Variants in CADM3 observed in about 807,000 individuals in gnomAD.
CADM3 encodes the protein TSLC1-like 1.
A neutral mutation model predicts 44.9 loss-of-function variants in CADM3; 11 were observed. That is an observed-to-expected ratio of 0.25 (90% CI 0.15 to 0.41). The LOEUF (loss-of-function observed/expected upper bound fraction) is 0.41. CADM3 is among the 10% of genes least tolerant of loss of function. The pLI, the probability that CADM3 is intolerant of heterozygous loss-of-function variation, is 1.00. For missense variants in CADM3, 426 were observed against 512.0 expected (o/e 0.83, Z 1.62); for synonymous variants, 207 against 205.2 (o/e 1.01, Z -0.08).
At chr1:159,178,294 G>A (rs556071031) in intron 1 of CADM3, among the ~76,000 whole-genome samples, 40 of 152,260 alleles carry the variant, frequency 2.6e-4, no homozygotes, top group Non-Finnish European at 4.4e-4. Flanking sequence ...ATCCTACCCA[G>A]TTTATAAACA....
At chr1:159,179,155 A>G (rs536505355) in intron 1 of CADM3, among the ~76,000 whole-genome samples, 2 of 152,252 alleles carry the variant, frequency 1.3e-5, no homozygotes, top group African/African-American at 4.8e-5. Flanking sequence ...TTCAGAAAGG[A>G]CTCAAATACA....
At position 159,192,589 on chromosome 1, in the gene CADM3, A is replaced by T; in HGVS notation, c.241A>T (p.Asn81Tyr). The T allele has an allele frequency of 6.2e-7, 1 of 1,614,130 alleles. No homozygotes were observed. Among genetic ancestry groups the T allele is most frequent in the Non-Finnish European group, 8.5e-7 (1 of 1,180,028 alleles). ...YFGEKRALRD[N>Y]RIQLVTSTPH... ...CTTGATTTCCCCAGCCCTTCGAGAT[A>T]ATCGAATTCAGCTGGTTACCTCTAC... Residue 81 changes from asparagine to tyrosine, a missense_variant, in exon 3 of 9, where the codon AAT becomes TAT. Physicochemically the swap from Asn to Tyr is moderately radical, Grantham distance 143. This residue lies in a region of CADM3 where 362 missense variants were observed against 474.6 expected (regional missense o/e 0.76). Coordinates refer to ENST00000368125, the MANE Select transcript of CADM3 (RefSeq NM_001127173.3).
intron 1 of CADM3, among the ~76,000 whole-genome samples, chr1:159,188,240 C>A (rs1205531949): frequency 1.3e-5 from 2 of 151,828 alleles, no homozygotes. Flanking sequence ...ACTCCCTCCC[C>A]TCTCCGGCCT....
chr1:159,194,172 C>A (rs1468326363), intron 5 of CADM3, 132 bp downstream of exon 5: 5 of 994,236 alleles, frequency 5.0e-6, no homozygotes, highest in Non-Finnish European at 7.3e-6. Context: ...ACAAAGACTG[C>A]CAGGACTAGG....
At position 159,193,525 on chromosome 1, in the gene CADM3, G is replaced by A. The variant is rs148250608; in HGVS notation, c.485G>A (p.Arg162Gln). Reference protein sequence around the residue: ...CQSSGSKPAARLTWRKGDQEL... With the variant: ...CQSSGSKPAAQLTWRKGDQEL... ...TCTTCTGGGAGCAAGCCTGCAGCCC[G>A]GCTCACCTGGAGAAAGGGTGACCAA... The change falls in exon 4 of 9, where the codon CGG becomes CAG. Residue 162 changes from arginine to glutamine, a missense_variant. Physicochemically the swap from Arg to Gln is conservative, Grantham distance 43. Transcript: ENST00000368125. 25 of 1,614,014 alleles carry A rather than the reference G, an allele frequency of 1.5e-5. No individual in the cohort carries two copies. The African/African-American group carries it at 1.9e-4, about 12-fold the overall frequency.
intron 1 of CADM3, among the ~76,000 whole-genome samples, chr1:159,173,259 G>A (rs928884287): frequency 6.6e-5 from 10 of 152,028 alleles, no homozygotes; most frequent in Non-Finnish European, 1.3e-4. Context: ...GTTGAAACTG[G>A]GAAGGATGAT....
At chr1:159,192,834 CT>C in intron 3 of CADM3, 104 bp downstream of exon 3, 1 of 1,235,576 alleles carries the variant, frequency 8.1e-7, no homozygotes, top group Non-Finnish European at 1.1e-6. Context: ...TCTCCAAGCA[CT>C]TTAGGAAAGT....
At chr1:159,200,524 A>G (rs200874267) in intron 8 of CADM3, among the ~76,000 whole-genome samples, 4,388 of 28,272 alleles carry the variant, frequency 0.16, 120 homozygotes, top group African/African-American at 0.4. Context: ...GCAAGCACAC[A>G]CACACACACA....
Position 159,201,362 on chromosome 1 carries a change from C to T in CADM3, c.*440C>T, listed in dbSNP as rs2814776. The T allele has an allele frequency of 0.12, 18,504 of 152,392 alleles. 3,766 individuals are homozygous for T. Among genetic ancestry groups the T allele is most frequent in the African/African-American group, 0.42 (17,463 of 41,424 alleles). 9.4% of individuals were successfully genotyped at this position (152,392 alleles called of 1,614,324 possible). A position where few individuals can be genotyped will look rare whatever the true frequency, so the allele number is the denominator to read the frequency against. ...TGGGGGCTCTCACCAGCCCTCCTTT[C>T]AGCCTCTACAACAGAGCAGCTTCCC... On this transcript the variant is annotated 3_prime_UTR_variant, in exon 9 of 9. Coordinates refer to ENST00000368125, the MANE Select transcript of CADM3 (RefSeq NM_001127173.3).
At chr1:159,192,466 TCCCCACCCAC>T in intron 2 of CADM3, 102 bp from the exon 3 acceptor site, 2 of 1,246,900 alleles carry the variant, frequency 1.6e-6, no homozygotes, top group African/African-American at 1.5e-5. Flanking sequence ...AGTTATTTTT[TCCCCACCCAC>T]CATACTAGAC....
intron 5 of CADM3, 143 bp downstream of exon 5, chr1:159,194,183 C>T: frequency 1.2e-6 from 1 of 867,952 alleles, no homozygotes; most frequent in Non-Finnish European, 1.7e-6. Context: ...CAGGACTAGG[C>T]CAGGGTTGGC....
At chr1:159,191,049 T>C (rs1649638029) in intron 1 of CADM3, among the ~76,000 whole-genome samples, 1 of 152,146 alleles carries the variant, frequency 6.6e-6, no homozygotes, top group Non-Finnish European at 1.5e-5. Context: ...ACAACAGGAA[T>C]AGTGTCATGG....
At position 159,188,306 on chromosome 1, in the gene CADM3, C is replaced by T. The variant is rs563064155; in HGVS notation, c.89-3630C>T. 2.0e-5 allele frequency among the ~76,000 whole-genome samples: 3 copies of T among 149,700 alleles called. No individual in the cohort carries two copies. The South Asian group carries it at 6.5e-4, about 33-fold the overall frequency. Reference sequence around the variant, plus strand: ...CTTTATCCTGTACCCCTCCTCTTCTCCCTCCCCTCTCCCCTCTCCTCTCGC... The same window carrying T: ...CTTTATCCTGTACCCCTCCTCTTCTTCCTCCCCTCTCCCCTCTCCTCTCGC... On this transcript the variant is annotated intron_variant, in intron 1 of 8. Transcript: ENST00000368125.
At chr1:159,188,522 G>A (rs571228648) in intron 1 of CADM3, among the ~76,000 whole-genome samples, 13 of 151,712 alleles carry the variant, frequency 8.6e-5, no homozygotes, top group Non-Finnish European at 1.8e-4. Flanking sequence ...TCCCCAGCTG[G>A]CTCTGAGTCG....
chr1:159,195,797 T>TG (rs1649866962), intron 5 of CADM3: 1 of 152,382 alleles, frequency 6.6e-6, no homozygotes, highest in Non-Finnish European at 1.5e-5. Flanking sequence ...CAATGGCAGA[T>TG]GCCATTCTTC....
At chr1:159,189,630 C>T in intron 1 of CADM3, 1 of 647,562 alleles carries the variant, frequency 1.5e-6, no homozygotes, top group Non-Finnish European at 2.7e-6. Flanking sequence ...TTGGTAAGAA[C>T]CCTACCTTCT....
Position 159,201,730 on chromosome 1 carries a change from TAGC to T in CADM3, c.*811_*813del, listed in dbSNP as rs1650221076. 1 of 152,512 alleles carries T rather than the reference TAGC, an allele frequency of 6.6e-6. No individual in the cohort carries two copies. The highest frequency in any genetic ancestry group is 1.5e-5 in the Non-Finnish European group (1 of 68,074). The allele number at this position is 152,512 out of a possible 1,614,324, so 9.4% of individuals were successfully genotyped here. ...TTTCCATAGGAACTGCCCTTGGAGA[TAGC>T]AGAGTGTGGCTGCCCCTCCTTGCTC... On this transcript the variant is annotated 3_prime_UTR_variant, in exon 9 of 9. Coordinates refer to ENST00000368125, the MANE Select transcript of CADM3 (RefSeq NM_001127173.3).
chr1:159,199,839 G>T lies in CADM3; in HGVS notation c.1041G>T (p.Met347Ile). ...TCATTGTCTTCCTGCTGCTCATCATGCTCATCTTCCTTGGCCACTACTTGA... is the reference window on the plus strand; with the variant it reads ...TCATTGTCTTCCTGCTGCTCATCATTCTCATCTTCCTTGGCCACTACTTGA... Reference protein sequence around the residue: ...VAFIVFLLLIMLIFLGHYLIR... With the variant: ...VAFIVFLLLIILIFLGHYLIR... Residue 347 changes from methionine to isoleucine, a missense_variant, in exon 8 of 9, where the codon ATG becomes ATT. Transcript: ENST00000368125. The T allele has an allele frequency of 6.2e-7, 1 of 1,613,964 alleles. No individual in the cohort carries two copies.
Position 159,199,790 on chromosome 1 carries a change from C to A in CADM3, c.992C>A (p.Ala331Asp). 1 of 1,614,114 alleles carries A rather than the reference C, an allele frequency of 6.2e-7. No homozygotes were observed. The highest frequency in any genetic ancestry group is 8.5e-7 in the Non-Finnish European group (1 of 1,180,016). ...PVPSSSSTYH[A>D]IIGGIVAFIV... The stretch of plus-strand genomic sequence containing the variant: ...CCCTCCTCCTCCAGCACCTACCACG[C>A]CATCATCGGTGGGATCGTGGCTTTC... Residue 331 changes from alanine to aspartate, a missense_variant, in exon 8 of 9, where the codon GCC becomes GAC. Ala to Asp is a moderately radical substitution (Grantham distance 126). This residue lies in a region of CADM3 where 362 missense variants were observed against 474.6 expected (regional missense o/e 0.76). Transcript: ENST00000368125.
Sources: gnomAD v4.1 joint callset for allele counts (sites outside exome capture counted in the v4.1 genomes callset) on GRCh38, gnomAD v4.1.1 for gene constraint, gnomAD v4.1.1 regional missense constraint, MANE v1.5 for transcripts, NCBI Gene and HGNC (gene_info 2026-07-23, HGNC 2026-07-21) for gene names.